Variants in GMDS observed in about 807,000 individuals in gnomAD.
GMDS encodes GDP-mannose 4,6-dehydratase, also known as GDP-mannose 4,6 dehydratase.
GMDS carries 20 observed loss-of-function variants against 49.9 expected under a neutral mutation model. The observed-to-expected ratio is 0.40, with a 90% CI of 0.28 to 0.58. The LOEUF (loss-of-function observed/expected upper bound fraction) is 0.58, where lower values mean the gene tolerates loss of function less well. Ranked by LOEUF, GMDS falls within the 20% of genes least tolerant of loss-of-function variation. GMDS has a pLI of 0.42. For missense variants in GMDS, 362 were observed against 481.4 expected (o/e 0.75, Z 2.32); for synonymous variants, 177 against 178.6 (o/e 0.99, Z 0.07).
At chr6:2,087,902 A>C (rs186894622) in intron 4 of GMDS, among the ~76,000 whole-genome samples, 8 of 152,310 alleles carry the variant, frequency 5.3e-5, no homozygotes, top group Admixed American at 4.6e-4. Flanking sequence ...ATTTTTATAG[A>C]CATTATTGCG....
chr6:1,630,547 C>T (rs1415818341), intron 9 of GMDS, among the ~76,000 whole-genome samples: 1 of 152,242 alleles, frequency 6.6e-6, no homozygotes, highest in Non-Finnish European at 1.5e-5. Context: ...TCTGAGCCAG[C>T]TGAGCAGAGG....
intron 9 of GMDS, among the ~76,000 whole-genome samples, chr6:1,649,809 C>G (rs985766100): frequency 1.3e-5 from 2 of 152,182 alleles, no homozygotes; most frequent in African/African-American, 4.8e-5. Flanking sequence ...TCGAAGACAC[C>G]CCTTAGATAT....
chr6:1,722,094 T>C (rs2113426229), intron 9 of GMDS, among the ~76,000 whole-genome samples: 1 of 127,332 alleles, frequency 7.9e-6, no homozygotes, highest in African/African-American at 3.0e-5. Context: ...TGAGATGGAA[T>C]CTTGCTTTGA....
At chr6:2,240,730 G>A (rs762973586) in intron 1 of GMDS, among the ~76,000 whole-genome samples, 6 of 152,028 alleles carry the variant, frequency 3.9e-5, no homozygotes, top group Non-Finnish European at 8.8e-5. Flanking sequence ...TAAATGCTCA[G>A]TACTTGTTAA....
intron 3 of GMDS, among the ~76,000 whole-genome samples, chr6:2,117,259 C>A (rs529757640): frequency 9.2e-5 from 14 of 152,290 alleles, no homozygotes; most frequent in African/African-American, 3.1e-4. Flanking sequence ...AGCCTTCTAA[C>A]AGCCAAACCA....
chr6:1,912,702 C>T (rs1002773089), intron 7 of GMDS, among the ~76,000 whole-genome samples: 4 of 152,098 alleles, frequency 2.6e-5, no homozygotes, highest in Admixed American at 6.5e-5. Context: ...TATATATATA[C>T]AAACAAAACC....
intron 8 of GMDS, among the ~76,000 whole-genome samples, chr6:1,737,580 A>G (rs1290446114): frequency 4.1e-5 from 6 of 146,428 alleles, no homozygotes; most frequent in African/African-American, 1.5e-4. Flanking sequence ...CACACACAAA[A>G]ATACACACAC....
intron 9 of GMDS, among the ~76,000 whole-genome samples, chr6:1,639,161 G>A (rs933589041): frequency 2.0e-5 from 3 of 152,170 alleles, no homozygotes; most frequent in Admixed American, 6.5e-5. Flanking sequence ...GAGCAGGAGC[G>A]GAGGAGAGAG....
At chr6:2,012,289 A>G (rs1581513632) in intron 4 of GMDS, among the ~76,000 whole-genome samples, 1 of 152,336 alleles carries the variant, frequency 6.6e-6, no homozygotes, top group Middle Eastern at 3.4e-3. Context: ...AAAAGACTGT[A>G]ATCTAATTAG....
intron 9 of GMDS, among the ~76,000 whole-genome samples, chr6:1,696,708 G>A (rs1765354845): frequency 6.6e-6 from 1 of 152,196 alleles, no homozygotes; most frequent in Non-Finnish European, 1.5e-5. Context: ...TCATAGAGCC[G>A]GTATCTGGAA....
At chr6:2,003,934 T>C (rs557838846) in intron 4 of GMDS, among the ~76,000 whole-genome samples, 3 of 152,334 alleles carry the variant, frequency 2.0e-5, no homozygotes, top group African/African-American at 7.2e-5. Context: ...AATTACATTC[T>C]GGCATTAGAC....
At chr6:1,905,879 GACAATAACCCCA>G (rs1760748189) in intron 7 of GMDS, among the ~76,000 whole-genome samples, 5 of 74,022 alleles carry the variant, frequency 6.8e-5, no homozygotes, top group Non-Finnish European at 1.2e-4. Context: ...GCTGGCATGT[GACAATAACCCCA>G]TAGGCCATCT....
chr6:2,115,987 C>A, intron 3 of GMDS, 107 bp from the exon 4 acceptor site: 1 of 705,918 alleles, frequency 1.4e-6, no homozygotes, highest in Non-Finnish European at 2.5e-6. Flanking sequence ...AAACCAGGGT[C>A]AAAATGGAAA....
chr6:1,673,419 T>C (rs571621959), intron 9 of GMDS, among the ~76,000 whole-genome samples: 33 of 152,120 alleles, frequency 2.2e-4, no homozygotes, highest in African/African-American at 7.7e-4. Context: ...TTTAGCTTTA[T>C]AGAAAAACTA....
At chr6:2,014,283 A>G (rs1018526979) in intron 4 of GMDS, among the ~76,000 whole-genome samples, 6 of 152,114 alleles carry the variant, frequency 3.9e-5, no homozygotes, top group Non-Finnish European at 7.4e-5. Flanking sequence ...CATAAAAAAA[A>G]AGAAAGAAAC....
At chr6:2,108,838 C>T (rs1380429506) in intron 4 of GMDS, among the ~76,000 whole-genome samples, 4 of 152,156 alleles carry the variant, frequency 2.6e-5, no homozygotes, top group Non-Finnish European at 4.4e-5. Flanking sequence ...ATGAACCGCA[C>T]GTCCAGGTGG....
intron 7 of GMDS, among the ~76,000 whole-genome samples, chr6:1,865,679 A>G (rs1205492116): frequency 6.6e-6 from 1 of 152,188 alleles, no homozygotes; most frequent in African/African-American, 2.4e-5. Flanking sequence ...AATAACGCTG[A>G]ATTAAAGCAC....
intron 4 of GMDS, among the ~76,000 whole-genome samples, chr6:2,060,545 A>G (rs1328279939): frequency 6.6e-6 from 1 of 152,224 alleles, no homozygotes; most frequent in Non-Finnish European, 1.5e-5. Context: ...CTACACAGAT[A>G]AAAATCTCTG....
At chr6:2,155,687 T>C (rs1204010304) in intron 1 of GMDS, among the ~76,000 whole-genome samples, 5 of 152,216 alleles carry the variant, frequency 3.3e-5, no homozygotes, top group Non-Finnish European at 7.4e-5. Context: ...CACTCTGGGA[T>C]ACCATATCCT....
Sources: allele counts gnomAD v4.1 joint callset (sites outside exome capture counted in the v4.1 genomes callset), GRCh38; gene constraint gnomAD v4.1.1; transcripts MANE v1.5; gene names NCBI Gene and HGNC (gene_info 2026-07-23, HGNC 2026-07-21).